Variants in CADM2 observed in about 807,000 individuals in gnomAD.
CADM2 encodes cell adhesion molecule 2, also known as immunoglobulin superfamily member 4D.
Under a neutral mutation model 49.8 loss-of-function variants are expected in CADM2, and 12 were observed. The observed-to-expected ratio is 0.24, with a 90% CI of 0.15 to 0.39. The LOEUF (loss-of-function observed/expected upper bound fraction) is 0.39, where lower values mean the gene tolerates loss of function less well. CADM2 is among the 10% of genes least tolerant of loss of function. The pLI is 1.00. For missense variants in CADM2, 378 were observed against 492.3 expected, an observed-to-expected ratio of 0.77 and a Z score of 2.20; for synonymous variants, 214 against 175.4, an observed-to-expected ratio of 1.22 and a Z score of -1.74.
chr3:85,239,688 A>G (rs1160789012), intron 1 of CADM2, among the ~76,000 whole-genome samples: 1 of 151,448 alleles, frequency 6.6e-6, no homozygotes, highest in Admixed American at 6.6e-5. Flanking sequence ...TTACAAGAAA[A>G]TTGTTTCCTT....
intron 8 of CADM2, among the ~76,000 whole-genome samples, chr3:86,044,009 T>C (rs376392529): frequency 6.6e-6 from 1 of 152,160 alleles, no homozygotes; most frequent in Non-Finnish European, 1.5e-5. Context: ...GCTAGCCATA[T>C]GTAGAAAGCT....
chr3:85,158,571 T>C (rs1472039595), intron 1 of CADM2, among the ~76,000 whole-genome samples: 1 of 152,162 alleles, frequency 6.6e-6, no homozygotes, highest in Non-Finnish European at 1.5e-5. Context: ...ATCATCATTC[T>C]CAGTAAACTA....
chr3:85,653,284 A>G (rs1382726155), intron 1 of CADM2, among the ~76,000 whole-genome samples: 1 of 148,894 alleles, frequency 6.7e-6, no homozygotes, highest in Non-Finnish European at 1.5e-5. Context: ...AACAGAGAGT[A>G]GAGTTAGGAA....
At chr3:85,000,911 G>T (rs547682983) in intron 1 of CADM2, among the ~76,000 whole-genome samples, 1 of 152,020 alleles carries the variant, frequency 6.6e-6, no homozygotes, top group Admixed American at 6.6e-5. Context: ...CAAAGTAAAT[G>T]GCTTCACTGA....
intron 8 of CADM2, among the ~76,000 whole-genome samples, chr3:86,024,594 CAATTATGCATGTTCTGTAA>C (rs1446823130): frequency 6.6e-6 from 1 of 152,096 alleles, no homozygotes; most frequent in Non-Finnish European, 1.5e-5. Context: ...ATTGAATCCA[CAATTATGCATGTTCTGTAA>C]ATGATACATC....
intron 1 of CADM2, among the ~76,000 whole-genome samples, chr3:85,213,907 G>T (rs556453804): frequency 6.6e-6 from 1 of 152,004 alleles, no homozygotes; most frequent in African/African-American, 2.4e-5. Context: ...CATAATGTCT[G>T]CTTTATTCCT....
chr3:85,389,445 A>G lies in CADM2; in HGVS notation c.62-337077A>G, dbSNP rs1047117982. ...AAGACATCTAGGAAGTGGCCCGTAT[A>G]GCTGTTGATAATGAGCTAGCTAATT... On this transcript the variant is annotated intron_variant, in intron 1 of 9. Transcript: ENST00000383699. 3.3e-5 allele frequency among the ~76,000 whole-genome samples: 5 copies of G among 152,226 alleles called. 1 individual carries two copies. In the East Asian group the frequency reaches 9.7e-4, roughly 29 times the overall value.
chr3:85,079,434 A>G (rs1392714756), intron 1 of CADM2, among the ~76,000 whole-genome samples: 2 of 151,808 alleles, frequency 1.3e-5, no homozygotes, highest in African/African-American at 4.8e-5. Flanking sequence ...CTTTAATTGT[A>G]GAAGGATTAC....
chr3:85,187,294 A>G (rs1446697172), intron 1 of CADM2, among the ~76,000 whole-genome samples: 1 of 152,270 alleles, frequency 6.6e-6, no homozygotes, highest in Non-Finnish European at 1.5e-5. Context: ...TAAAATTGAT[A>G]TTATTTTAAT....
intron 1 of CADM2, among the ~76,000 whole-genome samples, chr3:85,299,513 G>T (rs943040523): frequency 1.3e-5 from 2 of 151,960 alleles, no homozygotes; most frequent in African/African-American, 4.8e-5. Flanking sequence ...TAGATCTAAG[G>T]CAGAAGGAAG....
intron 1 of CADM2, among the ~76,000 whole-genome samples, chr3:85,371,679 A>ATG (rs1559805723): frequency 2.0e-5 from 1 of 50,642 alleles, no homozygotes; most frequent in South Asian, 8.8e-4. Context: ...GTGTGTGTGT[A>ATG]TATATATATA....
chr3:85,695,588 G>A (rs72913201), intron 1 of CADM2, among the ~76,000 whole-genome samples: 5,541 of 150,818 alleles, frequency 0.037, 315 homozygotes, highest in African/African-American at 0.13. Flanking sequence ...ATACGGGTAC[G>A]TACACACACA....
At chr3:84,967,727 T>C (rs1168151835) in intron 1 of CADM2, among the ~76,000 whole-genome samples, 1 of 152,078 alleles carries the variant, frequency 6.6e-6, no homozygotes, top group Non-Finnish European at 1.5e-5. Context: ...TGCTAAAGGA[T>C]ATGTACAGAA....
At chr3:85,349,415 T>C (rs2031106897) in intron 1 of CADM2, among the ~76,000 whole-genome samples, 1 of 152,206 alleles carries the variant, frequency 6.6e-6, no homozygotes, top group Non-Finnish European at 1.5e-5. Flanking sequence ...TTATTGTTCA[T>C]TGATGTTTAT....
At chr3:85,577,204 T>A (rs935440302) in intron 1 of CADM2, among the ~76,000 whole-genome samples, 1 of 152,166 alleles carries the variant, frequency 6.6e-6, no homozygotes, top group African/African-American at 2.4e-5. Context: ...CTTCTTTCAG[T>A]TGCATTTAAG....
intron 1 of CADM2, among the ~76,000 whole-genome samples, chr3:85,113,192 T>A (rs189548918): frequency 3.9e-5 from 6 of 152,236 alleles, no homozygotes; most frequent in African/African-American, 1.2e-4. Flanking sequence ...GTTACAGACA[T>A]CATGCCAATC....
At chr3:85,910,224 C>T (rs1490948307) in intron 5 of CADM2, among the ~76,000 whole-genome samples, 2 of 152,040 alleles carry the variant, frequency 1.3e-5, no homozygotes, top group Non-Finnish European at 2.9e-5. Flanking sequence ...GGAGTAATTT[C>T]TCATATGTTG....
chr3:85,156,079 C>G (rs1360100282), intron 1 of CADM2, among the ~76,000 whole-genome samples: 2 of 152,010 alleles, frequency 1.3e-5, no homozygotes, highest in South Asian at 2.1e-4. Context: ...AAAACAAGAG[C>G]AAACACATTC....
chr3:86,028,872 G>C (rs189908012), intron 8 of CADM2, among the ~76,000 whole-genome samples: 2 of 152,136 alleles, frequency 1.3e-5, no homozygotes, highest in East Asian at 3.9e-4. Context: ...ATAGCACCTA[G>C]TAAAATGTCC....
Sources: allele counts gnomAD v4.1 joint callset (sites outside exome capture counted in the v4.1 genomes callset), GRCh38; gene constraint gnomAD v4.1.1; transcripts MANE v1.5; gene names NCBI Gene and HGNC (gene_info 2026-07-23, HGNC 2026-07-21).